The following NR6A1 variants were observed in gnomAD, a reference collection of about 807,000 sequenced individuals.
NR6A1 encodes nuclear receptor subfamily 6 group A member 1.
NR6A1 carries 7 observed loss-of-function variants against 59.1 expected under a neutral mutation model. The ratio of observed to expected loss-of-function variants is 0.12; its 90% CI spans 0.07 to 0.22. The LOEUF (loss-of-function observed/expected upper bound fraction) is 0.22, where lower values mean the gene tolerates loss of function less well. Ranked by LOEUF, NR6A1 falls within the 10% of genes least tolerant of loss-of-function variation. The pLI, the probability that NR6A1 is intolerant of heterozygous loss-of-function variation, is 1.00. For synonymous variants in NR6A1, 243 were observed against 236.1 expected (o/e 1.03, Z -0.27); for missense variants, 468 against 611.6 (o/e 0.77, Z 2.48).
At chr9:124,561,248 C>A (rs984753841) in intron 2 of NR6A1, among the ~76,000 whole-genome samples, 9 of 152,054 alleles carry the variant, frequency 5.9e-5, no homozygotes, top group African/African-American at 2.2e-4. Flanking sequence ...CCAGCCTGGG[C>A]AACCTGGCAA....
At chr9:124,664,182 A>C (rs549113022) in intron 2 of NR6A1, among the ~76,000 whole-genome samples, 1 of 152,356 alleles carries the variant, frequency 6.6e-6, no homozygotes, top group South Asian at 2.1e-4. Context: ...CAGGAATGAG[A>C]AATCAGTGTT....
chr9:124,646,631 C>CCTAACA lies in NR6A1; in HGVS notation c.142+86671_142+86676dup, dbSNP rs922718229. On this transcript the variant is annotated intron_variant, in intron 2 of 9. Coordinates refer to ENST00000487099, the MANE Select transcript of NR6A1 (RefSeq NM_033334.4). ...AGTGTCTTAGGCCACACATAAAATA[C>CCTAACA]CTAACACTAACACTAACACTAACAA... 1.2e-4 allele frequency among the ~76,000 whole-genome samples: 18 copies of CCTAACA among 152,196 alleles called. No individual in the cohort carries two copies. In the South Asian group the frequency reaches 1.5e-3, roughly 12 times the overall value.
intron 4 of NR6A1, among the ~76,000 whole-genome samples, chr9:124,542,398 C>A (rs555878479): frequency 6.6e-6 from 1 of 152,322 alleles, no homozygotes; most frequent in Admixed American, 6.5e-5. Flanking sequence ...TAAGACAACT[C>A]CGAACACCTT....
At chr9:124,523,616 C>G (rs1186801664) in intron 9 of NR6A1, among the ~76,000 whole-genome samples, 1 of 151,800 alleles carries the variant, frequency 6.6e-6, no homozygotes, top group Non-Finnish European at 1.5e-5. Context: ...TGTTGACTTC[C>G]TTTTATTTCA....
intron 2 of NR6A1, among the ~76,000 whole-genome samples, chr9:124,698,990 G>A (rs372933501): frequency 2.0e-5 from 3 of 152,210 alleles, no homozygotes; most frequent in East Asian, 1.9e-4. Flanking sequence ...AGAAGAAATC[G>A]CTTGAAATAC....
At chr9:124,585,535 C>T (rs867827658) in intron 2 of NR6A1, among the ~76,000 whole-genome samples, 16 of 109,188 alleles carry the variant, frequency 1.5e-4, no homozygotes, top group Non-Finnish European at 2.6e-4. Context: ...CACAGCGAGA[C>T]TCCATCTCAA....
intron 1 of NR6A1, among the ~76,000 whole-genome samples, chr9:124,750,829 C>G (rs1840479884): frequency 6.6e-6 from 1 of 152,050 alleles, no homozygotes; most frequent in Non-Finnish European, 1.5e-5. Context: ...GATTTTTAAA[C>G]AAGCAATTTT....
At chr9:124,656,630 G>A (rs193256853) in intron 2 of NR6A1, among the ~76,000 whole-genome samples, 38 of 152,222 alleles carry the variant, frequency 2.5e-4, no homozygotes, top group Admixed American at 2.4e-3. Flanking sequence ...TCACGAGTTC[G>A]AGACCAGCCT....
chr9:124,623,603 A>C (rs1156871218), intron 2 of NR6A1, among the ~76,000 whole-genome samples: 1 of 149,838 alleles, frequency 6.7e-6, no homozygotes, highest in Non-Finnish European at 1.5e-5. Flanking sequence ...TGATGCTCCT[A>C]CCTAGGCCTC....
chr9:124,757,598 T>C (rs1239220573), intron 1 of NR6A1, among the ~76,000 whole-genome samples: 2 of 152,170 alleles, frequency 1.3e-5, no homozygotes, highest in Admixed American at 1.3e-4. Flanking sequence ...TTAAAAACAC[T>C]GGATTCTTAA....
chr9:124,551,489 A>G (rs1287296184), intron 3 of NR6A1, among the ~76,000 whole-genome samples: 1 of 152,218 alleles, frequency 6.6e-6, no homozygotes, highest in African/African-American at 2.4e-5. Flanking sequence ...ATACAAATGA[A>G]GTAGTGAAAA....
chr9:124,752,037 G>A lies in NR6A1; in HGVS notation c.101-18688C>T, dbSNP rs776619911. ...TATAATCCCAACACTTTGGGAGCCC[G>A]GGGTGGGCGGATCACTTGGTCAGGA... On this transcript the variant is annotated intron_variant, in intron 1 of 9. Transcript: ENST00000487099. 7.2e-5 allele frequency among the ~76,000 whole-genome samples: 11 copies of A among 152,332 alleles called. No homozygotes were observed. In the East Asian group the frequency reaches 1.9e-3, roughly 27 times the overall value.
intron 1 of NR6A1, among the ~76,000 whole-genome samples, chr9:124,735,516 TAGGGAA>T (rs1347642681): frequency 2.6e-5 from 4 of 152,188 alleles, no homozygotes; most frequent in African/African-American, 7.2e-5. Context: ...TAGATCAGTC[TAGGGAA>T]GAAAGTCATA....
chr9:124,568,838 G>A (rs951594201), intron 2 of NR6A1, among the ~76,000 whole-genome samples: 3 of 151,800 alleles, frequency 2.0e-5, no homozygotes, highest in Non-Finnish European at 4.4e-5. Context: ...CTCAGGCCGG[G>A]CACAGTGGCT....
intron 2 of NR6A1, among the ~76,000 whole-genome samples, chr9:124,639,247 T>A (rs1377980532): frequency 6.6e-6 from 1 of 152,204 alleles, no homozygotes; most frequent in Admixed American, 6.5e-5. Context: ...TCTGACTCCA[T>A]AGCTCATACA....
chr9:124,690,190 C>A (rs879918445), intron 2 of NR6A1, among the ~76,000 whole-genome samples: 1 of 152,182 alleles, frequency 6.6e-6, no homozygotes, highest in Non-Finnish European at 1.5e-5. Flanking sequence ...GACGATGACT[C>A]CTCTTCTATT....
chr9:124,602,443 G>A (rs576008609), intron 2 of NR6A1, among the ~76,000 whole-genome samples: 1 of 152,322 alleles, frequency 6.6e-6, no homozygotes, highest in Admixed American at 6.5e-5. Context: ...TCAAACTGCT[G>A]TTAAGCAACA....
At position 124,519,737 on chromosome 9, in the gene NR6A1, A is replaced by G. The variant is rs1404985797; in HGVS notation, c.*2968T>C. The stretch of plus-strand genomic sequence containing the variant: ...AACGTGGTGAAACAATGTTTCTACT[A>G]AAAATACAAAAAAAGTTAGCCGGGT... On this transcript the variant is annotated 3_prime_UTR_variant, in exon 10 of 10. Coordinates refer to ENST00000487099, the MANE Select transcript of NR6A1 (RefSeq NM_033334.4). 6.6e-6 allele frequency: 1 copy of G among 151,912 alleles called. No individual in the cohort carries two copies. The highest frequency in any genetic ancestry group is 6.6e-5 in the Admixed American group (1 of 15,242). 9.4% of individuals were successfully genotyped at this position (151,912 alleles called of 1,614,324 possible). A position where few individuals can be genotyped will look rare whatever the true frequency, so the allele number is the denominator to read the frequency against.
chr9:124,680,667 A>G (rs1162948924), intron 2 of NR6A1, among the ~76,000 whole-genome samples: 1 of 152,208 alleles, frequency 6.6e-6, no homozygotes, highest in Non-Finnish European at 1.5e-5. Context: ...CACTGCAGCC[A>G]TAAATGTTAG....
Sources: gnomAD v4.1 joint callset for allele counts (sites outside exome capture counted in the v4.1 genomes callset) on GRCh38, gnomAD v4.1.1 for gene constraint, MANE v1.5 for transcripts, NCBI Gene and HGNC (gene_info 2026-07-23, HGNC 2026-07-21) for gene names.